Variants in B4GALNT2 observed in about 807,000 individuals in gnomAD.
B4GALNT2 encodes beta-1,4-N-acetyl-galactosaminyltransferase 2 (SID blood group), also known as N-acetylneuraminylgalactosylglucosyl-glucoside beta-1,4-N- acetylgalactosaminyltransferase 2.
A neutral mutation model predicts 51.1 loss-of-function variants in B4GALNT2; 42 were observed. That is an observed-to-expected ratio of 0.82 (90% confidence interval 0.64 to 1.06). B4GALNT2 has a LOEUF of 1.06. Ranked by LOEUF, B4GALNT2 falls within the 50% of genes least tolerant of loss-of-function variation. B4GALNT2 has a pLI of 0.00. For missense variants in B4GALNT2, 602 were observed against 633.6 expected (o/e 0.95, Z 0.54); for synonymous variants, 253 against 251.7 (o/e 1.01, Z -0.05).
chr17:49,165,973 C>A, intron 8 of B4GALNT2, 141 bp from the exon 9 acceptor site: 1 of 961,944 alleles, frequency 1.0e-6, no homozygotes, highest in Non-Finnish European at 1.5e-6. Flanking sequence ...GCCTTGGCTG[C>A]ACACTGGATT....
rs1271855954 is a variant in B4GALNT2, at chr17:49,152,828, C to G, written c.382C>G (p.Leu128Val). 9.9e-6 allele frequency: 16 copies of G among 1,608,798 alleles called. No homozygotes were observed. Among genetic ancestry groups the G allele is most frequent in the Non-Finnish European group, 1.2e-5 (14 of 1,177,502 alleles). Residue 128 changes from leucine (L) to valine (V), a missense_variant, in exon 4 of 11, where the codon CTG becomes GTG. Physicochemically the swap from Leu to Val is conservative, Grantham distance 32. Coordinates refer to ENST00000393354, the MANE Select transcript of B4GALNT2 (RefSeq NM_001159387.2). ...AGGGCTGCCCCGCCCACTGCCCCTG[C>G]TGGTCCAGCCCAACCTCCCCTTTGG... ...REGLPRPLPL[L>V]VQPNLPFGYP...
intron 3 of B4GALNT2, chr17:49,148,954 G>T: frequency 6.0e-6 from 1 of 167,124 alleles, no homozygotes; most frequent in Non-Finnish European, 1.3e-5. Flanking sequence ...TACTTGGGAG[G>T]CTGAGGCAGG....
chr17:49,169,520 C>G lies in B4GALNT2; in HGVS notation c.1316-3C>G. The G allele has an allele frequency of 2.5e-6, 4 of 1,610,314 alleles. No individual in the cohort carries two copies. The highest frequency in any genetic ancestry group is 3.4e-6 in the Non-Finnish European group (4 of 1,179,810). ...CTTCCTTCTGCTCTCCCTCTCTTTGCAGAATTCTTCATTGATGGGCTAGGG... is the reference window on the plus strand; with the variant it reads ...CTTCCTTCTGCTCTCCCTCTCTTTGGAGAATTCTTCATTGATGGGCTAGGG... On this transcript the variant is annotated splice_region_variant and splice_polypyrimidine_tract_variant and intron_variant, in intron 10 of 10. Transcript: ENST00000393354.
At chr17:49,132,101 T>G (rs996160697), upstream of B4GALNT2, among the ~76,000 whole-genome samples, 1 of 152,212 alleles carries the variant, frequency 6.6e-6, no homozygotes, top group African/African-American at 2.4e-5. Context: ...ATTACACTAT[T>G]GCACTCCAGG....
the B4GALNT2 span, among the ~76,000 whole-genome samples, chr17:49,121,804 G>T: frequency 5.7e-3 from 872 of 152,310 alleles, 7 homozygotes; most frequent in Non-Finnish European, 9.5e-3. Context: ...ATGCACACAG[G>T]CTGGACAGCT....
At chr17:49,163,689 G>A (rs1475076880) in intron 7 of B4GALNT2, among the ~76,000 whole-genome samples, 2 of 149,812 alleles carry the variant, frequency 1.3e-5, no homozygotes, top group Non-Finnish European at 3.0e-5. Flanking sequence ...CTGGGAGGCG[G>A]AGGTTGCAGT....
intron 7 of B4GALNT2, among the ~76,000 whole-genome samples, chr17:49,163,180 C>G (rs146686284): frequency 3.9e-5 from 6 of 152,162 alleles, no homozygotes; most frequent in Admixed American, 6.5e-5. Context: ...TGTGGCATCA[C>G]GGGGTCTTTT....
At chr17:49,153,820 A>G (rs2042782355) in intron 4 of B4GALNT2, among the ~76,000 whole-genome samples, 1 of 150,696 alleles carries the variant, frequency 6.6e-6, no homozygotes, top group African/African-American at 2.4e-5. Context: ...ATGTGATTTC[A>G]TTTCATGTTA....
At chr17:49,138,734 G>A (rs542633574) in intron 1 of B4GALNT2, among the ~76,000 whole-genome samples, 4 of 152,076 alleles carry the variant, frequency 2.6e-5, no homozygotes, top group Middle Eastern at 3.2e-3. Flanking sequence ...AAGAATAGCC[G>A]GGTGTGGTGG....
rs141405800 is a variant in B4GALNT2 at position 49,141,303 on chromosome 17, T to A, written c.71T>A (p.Val24Asp). ...ILVIILVLGI[V>D]GFMFGSMFLQ... The stretch of plus-strand genomic sequence containing the variant: ...GTCATAATCCTGGTACTTGGCATTG[T>A]TGGATTTATGTTCGGAAGCATGTTC... Residue 24 changes from valine (V) to aspartate (D), a missense_variant, in exon 2 of 11, where the codon GTT (valine) becomes GAT (aspartate). Transcript: ENST00000393354. 7 of 1,614,140 alleles carry A rather than the reference T, an allele frequency of 4.3e-6. No homozygotes were observed. Among genetic ancestry groups the A allele is most frequent in the Non-Finnish European group, 5.9e-6 (7 of 1,180,002 alleles).
At chr17:49,143,212 G>T (rs2042661189) in intron 3 of B4GALNT2, among the ~76,000 whole-genome samples, 1 of 151,906 alleles carries the variant, frequency 6.6e-6, no homozygotes, top group Admixed American at 6.6e-5. Flanking sequence ...TTGTGCCACT[G>T]CCCTCCAACC....
chr17:49,156,557 G>T lies in B4GALNT2; in HGVS notation c.461-9G>T, dbSNP rs989959367. The T allele has an allele frequency of 2.5e-6, 4 of 1,613,642 alleles. No individual in the cohort carries two copies. The highest frequency in any genetic ancestry group is 3.4e-6 in the Non-Finnish European group (4 of 1,179,846). ...AGCAGTTTTCTTTCCTTTTCCCTGT[G>T]TCCTCCAGGCCTCCAGTTTGAAGGA... On this transcript the variant is annotated splice_polypyrimidine_tract_variant and intron_variant, in intron 4 of 10. Coordinates refer to ENST00000393354, the MANE Select transcript of B4GALNT2 (RefSeq NM_001159387.2).
rs191070414 is a variant in B4GALNT2 at position 49,174,568 on chromosome 17, G to A, written c.*4840G>A. ...GTATAACTGAATTAATGGCTCTTAAGTCAGTTAACAGTCTCCATGTACCTG... is the reference window on the plus strand; with the variant it reads ...GTATAACTGAATTAATGGCTCTTAAATCAGTTAACAGTCTCCATGTACCTG... On this transcript the variant is annotated 3_prime_UTR_variant, in exon 11 of 11. Transcript: ENST00000393354. The A allele has an allele frequency of 9.4e-4, 143 of 152,308 alleles. No individual in the cohort carries two copies. The highest frequency in any genetic ancestry group is 2.9e-3 in the African/African-American group (121 of 41,548). 9.4% of individuals were successfully genotyped at this position (152,308 alleles called of 1,614,324 possible).
At chr17:49,122,974 T>C in the B4GALNT2 span, among the ~76,000 whole-genome samples, 1 of 152,222 alleles carries the variant, frequency 6.6e-6, no homozygotes, top group Non-Finnish European at 1.5e-5. Flanking sequence ...AAAAAGTATT[T>C]GGTGAAGTAG....
chr17:49,133,195 C>T lies in B4GALNT2; in HGVS notation c.14+389C>T, dbSNP rs565594340. On this transcript the variant is annotated intron_variant, in intron 1 of 10. Transcript: ENST00000393354. Reference sequence around the variant, plus strand: ...GACCCAGCCTGGGGCCCGTTTGCTGCCCACGGGAGGAGCCGCCGTCAGGGG... The same window carrying T: ...GACCCAGCCTGGGGCCCGTTTGCTGTCCACGGGAGGAGCCGCCGTCAGGGG... 5.4e-5 allele frequency: 81 copies of T among 1,503,620 alleles called. No homozygotes were observed. In the African/African-American group the frequency reaches 6.4e-4, roughly 12 times the overall value. The allele number at this position is 1,503,620 out of a possible 1,614,324, so 93.1% of individuals were successfully genotyped here.
intron 8 of B4GALNT2, among the ~76,000 whole-genome samples, chr17:49,164,482 G>A (rs922030677): frequency 2.0e-5 from 3 of 149,744 alleles, no homozygotes; most frequent in African/African-American, 7.4e-5. Flanking sequence ...TCATGAGGTG[G>A]TTATTCCACC....
At chr17:49,120,902 C>T in the B4GALNT2 span, among the ~76,000 whole-genome samples, 1 of 152,078 alleles carries the variant, frequency 6.6e-6, no homozygotes, top group African/African-American at 2.4e-5. Flanking sequence ...TGTTTAGAAC[C>T]TTCCCCACGA....
intron 4 of B4GALNT2, 69 bp from the exon 5 acceptor site, chr17:49,156,497 G>A: frequency 6.5e-7 from 1 of 1,540,896 alleles, no homozygotes; most frequent in Non-Finnish European, 9.0e-7. Context: ...CCATGAGGTT[G>A]GCGAGAGCAG....
At position 49,166,691 on chromosome 17, in the gene B4GALNT2, G is replaced by T. The variant is rs2042914645; in HGVS notation, c.1095+437G>T. On this transcript the variant is annotated intron_variant, in intron 9 of 10. Transcript: ENST00000393354. ...GAAGAGAATAATAAAAACAGCCTAGGTGTGATGGCTTACACCTGTAGTCCC... is the reference window on the plus strand; with the variant it reads ...GAAGAGAATAATAAAAACAGCCTAGTTGTGATGGCTTACACCTGTAGTCCC... 2.0e-5 allele frequency among the ~76,000 whole-genome samples: 3 copies of T among 152,160 alleles called. No individual in the cohort carries two copies. The South Asian group carries it at 6.2e-4, about 32-fold the overall frequency.
Sources: allele counts gnomAD v4.1 joint callset (sites outside exome capture counted in the v4.1 genomes callset), GRCh38; gene constraint gnomAD v4.1.1; transcripts MANE v1.5; gene names NCBI Gene and HGNC (gene_info 2026-07-23, HGNC 2026-07-21).